Variants in HEATR5B observed in about 807,000 individuals in gnomAD.
HEATR5B encodes HEAT repeat-containing protein 5B.
In HEATR5B, 156 loss-of-function variants were observed where a neutral mutation model predicts 224.1. The ratio of observed to expected loss-of-function variants is 0.70; its 90% CI spans 0.61 to 0.80. HEATR5B has a LOEUF of 0.80. HEATR5B is among the 30% of genes least tolerant of loss of function. The pLI, the probability that HEATR5B is intolerant of heterozygous loss-of-function variation, is 0.00. For synonymous variants in HEATR5B, 1,027 were observed against 893.0 expected (o/e 1.15, Z -2.68); for missense variants, 2,323 against 2,535.5 (o/e 0.92, Z 1.80).
At chr2:37,004,448 C>T (rs1667285551) in intron 30 of HEATR5B, among the ~76,000 whole-genome samples, 1 of 151,406 alleles carries the variant, frequency 6.6e-6, no homozygotes, top group Admixed American at 6.6e-5. Context: ...GTCCCCCCTG[C>T]ACTATTCCCA....
At chr2:37,010,846 C>A (rs1179255981) in intron 27 of HEATR5B, among the ~76,000 whole-genome samples, 1 of 151,550 alleles carries the variant, frequency 6.6e-6, no homozygotes, top group African/African-American at 2.4e-5. Flanking sequence ...GCCATTCATT[C>A]ATCAAATCCT....
At chr2:36,995,248 C>A (rs1354522369) in intron 33 of HEATR5B, among the ~76,000 whole-genome samples, 1 of 151,948 alleles carries the variant, frequency 6.6e-6, no homozygotes, top group Non-Finnish European at 1.5e-5. Context: ...TGCCACCACA[C>A]CCCGCTAAAT....
chr2:36,987,670 A>C (rs985363165), intron 35 of HEATR5B, among the ~76,000 whole-genome samples: 1 of 152,130 alleles, frequency 6.6e-6, no homozygotes, highest in African/African-American at 2.4e-5. Context: ...TCTAAATAAC[A>C]AGTTTTGAGA....
chr2:37,016,738 G>C (rs1668141571), intron 26 of HEATR5B, among the ~76,000 whole-genome samples: 1 of 152,102 alleles, frequency 6.6e-6, no homozygotes, highest in Non-Finnish European at 1.5e-5. Context: ...ATGGCTAATG[G>C]ACTTGAGTTC....
At position 37,027,903 on chromosome 2, in the gene HEATR5B, A is replaced by G; in HGVS notation, c.3853+20T>C. The G allele has an allele frequency of 1.9e-6, 3 of 1,606,736 alleles. No homozygotes were observed. Among genetic ancestry groups the G allele is most frequent in the Non-Finnish European group, 2.6e-6 (3 of 1,175,100 alleles). On this transcript the variant is annotated intron_variant, in intron 24 of 35. Transcript: ENST00000233099. ...AGGTGTAAAAATGCTTTGGGGAAAA[A>G]GTACTGATTTTAAATTTACTTGTAG...
intron 5 of HEATR5B, among the ~76,000 whole-genome samples, chr2:37,074,376 A>AAAAAAC (rs1477270034): frequency 6.6e-6 from 1 of 152,036 alleles, no homozygotes; most frequent in African/African-American, 2.4e-5. Context: ...ATATTGAAAA[A>AAAAAAC]AAAAACAAAA....
In HEATR5B at chr2:37,000,079, T is replaced by TA. The variant is rs1558709549; in HGVS notation, c.5545+506_5545+507insT. On this transcript the variant is annotated intron_variant, in intron 33 of 35. Coordinates refer to ENST00000233099, the MANE Select transcript of HEATR5B (RefSeq NM_019024.3). ...ACCTCCCAGTATATTTATATATATA[T>TA]TTTTTTTGAGACAGAGTTTCAAAAA... is the stretch of plus-strand genomic sequence containing the variant. Among the ~76,000 whole-genome samples the TA allele has an allele frequency of 1.9e-3, 284 of 151,692 alleles. 3 individuals are homozygous for TA. The highest frequency in any genetic ancestry group is 6.6e-3 in the African/African-American group (274 of 41,376).
chr2:37,017,260 C>T (rs1668175771), intron 26 of HEATR5B, among the ~76,000 whole-genome samples: 1 of 152,134 alleles, frequency 6.6e-6, no homozygotes, highest in Non-Finnish European at 1.5e-5. Flanking sequence ...TGGCACACAC[C>T]TGTAATCCCA....
intron 33 of HEATR5B, among the ~76,000 whole-genome samples, chr2:36,998,831 T>TA (rs1666895650): frequency 6.6e-6 from 1 of 152,048 alleles, no homozygotes; most frequent in Admixed American, 6.6e-5. Flanking sequence ...ACTCTCTATA[T>TA]AACACATATA....
At chr2:36,999,935 C>T (rs144466246) in intron 33 of HEATR5B, among the ~76,000 whole-genome samples, 3,438 of 151,586 alleles carry the variant, frequency 0.023, 138 homozygotes, top group African/African-American at 0.079. Flanking sequence ...TCACTTGAAC[C>T]CGGGAGGCGG....
intron 28 of HEATR5B, 173 bp downstream of exon 28, chr2:37,008,438 C>T (rs979943694): frequency 3.3e-6 from 2 of 609,216 alleles, no homozygotes; most frequent in Non-Finnish European, 5.8e-6. Flanking sequence ...TCTATATCTT[C>T]TATCTACAAA....
At chr2:37,036,563 G>A (rs1259251589) in intron 21 of HEATR5B, among the ~76,000 whole-genome samples, 1 of 151,498 alleles carries the variant, frequency 6.6e-6, no homozygotes, top group African/African-American at 2.4e-5. Flanking sequence ...CCAGGTTGGA[G>A]TGCAATGGCG....
At chr2:37,060,926 C>G (rs1200913628) in intron 11 of HEATR5B, among the ~76,000 whole-genome samples, 193 bp from the exon 12 acceptor site, 1 of 152,046 alleles carries the variant, frequency 6.6e-6, no homozygotes, top group Admixed American at 6.6e-5. Context: ...AACCTTTATT[C>G]ACTGATTAAA....
chr2:37,047,675 G>A (rs999054476), intron 18 of HEATR5B, among the ~76,000 whole-genome samples: 4 of 152,126 alleles, frequency 2.6e-5, no homozygotes, highest in African/African-American at 9.7e-5. Flanking sequence ...CTTAATTTCT[G>A]TGAATTTCTG....
chr2:37,053,779 T>C (rs187522828), intron 16 of HEATR5B, among the ~76,000 whole-genome samples, 172 bp from the exon 17 acceptor site: 34 of 152,196 alleles, frequency 2.2e-4, no homozygotes, highest in African/African-American at 8.2e-4. Flanking sequence ...CCCAAAATAT[T>C]ATATGGACAT....
Position 37,083,292 on chromosome 2 carries a change from G to T in HEATR5B, c.123C>A (p.Asn41Lys). The T allele has an allele frequency of 6.2e-7, 1 of 1,613,976 alleles. No homozygotes were observed. ...GGAAAAAAGAGCAATACCATACCTT[G>T]TTGGCAGCAACCAAGACTTTATCAA... Reference protein sequence around the residue: ...RFLDKVLVAANKTDVKEKQKK... With the variant: ...RFLDKVLVAAKKTDVKEKQKK... The change falls in exon 2 of 36, where the codon AAC becomes AAA. Residue 41 changes from asparagine (N) to lysine (K), a missense_variant. This residue lies in a region of HEATR5B where 292 missense variants were observed against 332.6 expected (regional missense o/e 0.88). Coordinates refer to ENST00000233099, the MANE Select transcript of HEATR5B (RefSeq NM_019024.3).
chr2:37,052,037 G>A (rs908422607), intron 17 of HEATR5B, among the ~76,000 whole-genome samples: 2 of 152,106 alleles, frequency 1.3e-5, no homozygotes, highest in Admixed American at 6.6e-5. Context: ...ACCACGCCCA[G>A]CCCCAAACCC....
At chr2:36,993,608 C>A (rs1666489015) in intron 33 of HEATR5B, among the ~76,000 whole-genome samples, 1 of 151,522 alleles carries the variant, frequency 6.6e-6, no homozygotes, top group African/African-American at 2.4e-5. Flanking sequence ...AAAGTATTTC[C>A]CCACAGGTTA....
rs3836070 is a variant in HEATR5B, at chr2:36,982,863, T to TACACACACACACACACACACAC, written c.5912-1091_5912-1070dup. Among the ~76,000 whole-genome samples, 105 of 126,058 alleles carry TACACACACACACACACACACAC rather than the reference T, an allele frequency of 8.3e-4. 5 individuals are homozygous for TACACACACACACACACACACAC. The highest frequency in any genetic ancestry group is 8.1e-3 in the Middle Eastern group (2 of 248). 82.7% of individuals were successfully genotyped at this position (126,058 alleles called of 152,430 possible). ...CATGTCTACATATAACAGACACAGA[T>TACACACACACACACACACACAC]ACACACACACACACACACACACACA... On this transcript the variant is annotated intron_variant, in intron 35 of 35. Coordinates refer to ENST00000233099, the MANE Select transcript of HEATR5B (RefSeq NM_019024.3).
Sources: allele counts gnomAD v4.1 joint callset (sites outside exome capture counted in the v4.1 genomes callset), GRCh38; gene constraint gnomAD v4.1.1; regional missense constraint gnomAD v4.1.1; transcripts MANE v1.5; gene names NCBI Gene and HGNC (gene_info 2026-07-23, HGNC 2026-07-21).